The following HIBADH variants were observed in gnomAD, a reference collection of about 807,000 sequenced individuals.
The protein encoded by HIBADH is 3-hydroxyisobutyrate dehydrogenase, mitochondrial.
In HIBADH, 25 loss-of-function variants were observed where a neutral mutation model predicts 36.1. That is an observed-to-expected ratio of 0.69 (90% CI 0.50 to 0.97). The LOEUF (loss-of-function observed/expected upper bound fraction) is 0.97, where lower values mean the gene tolerates loss of function less well. Ranked by LOEUF, HIBADH falls within the 50% of genes least tolerant of loss-of-function variation. The probability of loss-of-function intolerance (pLI) is 0.00; values close to 1 mark genes in which losing one functional copy is unlikely to be tolerated. For synonymous variants in HIBADH, 160 were observed against 149.5 expected (o/e 1.07, Z -0.51); for missense variants, 421 against 418.0 (o/e 1.01, Z -0.06).
At chr7:27,592,648 T>C (rs541295611) in intron 4 of HIBADH, among the ~76,000 whole-genome samples, 90 of 149,680 alleles carry the variant, frequency 6.0e-4, no homozygotes, top group African/African-American at 1.9e-3. Flanking sequence ...CTTTTCTCTA[T>C]ATCTATATCT....
At chr7:27,577,989 A>C (rs933911466) in intron 4 of HIBADH, among the ~76,000 whole-genome samples, 9 of 152,218 alleles carry the variant, frequency 5.9e-5, no homozygotes, top group African/African-American at 2.2e-4. Context: ...TGATTAATCT[A>C]AACACTGCTG....
At chr7:27,540,516 C>T (rs1404057378) in intron 5 of HIBADH, among the ~76,000 whole-genome samples, 1 of 152,208 alleles carries the variant, frequency 6.6e-6, no homozygotes, top group Non-Finnish European at 1.5e-5. Context: ...TCTTGCACAA[C>T]ATCTGGACAG....
chr7:27,653,693 C>T (rs1035762732), intron 1 of HIBADH, among the ~76,000 whole-genome samples: 6 of 151,270 alleles, frequency 4.0e-5, no homozygotes, highest in Non-Finnish European at 8.8e-5. Flanking sequence ...GCTGAGATCG[C>T]ACCACTGCAC....
At chr7:27,585,621 G>A (rs1293579128) in intron 4 of HIBADH, among the ~76,000 whole-genome samples, 1 of 152,018 alleles carries the variant, frequency 6.6e-6, no homozygotes, top group Non-Finnish European at 1.5e-5. Flanking sequence ...ATTAGGAAAA[G>A]AATGAAAAAG....
chr7:27,577,327 C>T (rs1414029229), intron 4 of HIBADH, among the ~76,000 whole-genome samples: 2 of 141,402 alleles, frequency 1.4e-5, no homozygotes, highest in Non-Finnish European at 3.0e-5. Flanking sequence ...CCACACCTGA[C>T]TTATTTTTTA....
intron 4 of HIBADH, among the ~76,000 whole-genome samples, chr7:27,610,490 A>G (rs755629119): frequency 6.6e-6 from 1 of 152,202 alleles, no homozygotes; most frequent in Non-Finnish European, 1.5e-5. Context: ...ATGTTATACA[A>G]CAGCTCTCCA....
At chr7:27,541,044 G>T (rs1281656731) in intron 5 of HIBADH, among the ~76,000 whole-genome samples, 1 of 151,874 alleles carries the variant, frequency 6.6e-6, no homozygotes, top group Non-Finnish European at 1.5e-5. Context: ...AACTGCATTT[G>T]TACAAAACAG....
rs892151443 is a variant in HIBADH, at chr7:27,601,995, A to G, written c.484+27376T>C. ...TCTATTTTGTTTTTAAATGAAACAAACCAAAGCCTTTTAGTTATTCTAGCA... is the reference window on the plus strand; with the variant it reads ...TCTATTTTGTTTTTAAATGAAACAAGCCAAAGCCTTTTAGTTATTCTAGCA... On this transcript the variant is annotated intron_variant, in intron 4 of 7. Transcript: ENST00000265395. Among the ~76,000 whole-genome samples, 4 of 152,186 alleles carry G rather than the reference A, an allele frequency of 2.6e-5. 1 individual carries two copies. The South Asian group carries it at 8.3e-4, about 32-fold the overall frequency.
intron 1 of HIBADH, among the ~76,000 whole-genome samples, chr7:27,657,618 G>C (rs1442846993): frequency 2.0e-5 from 3 of 152,034 alleles, no homozygotes; most frequent in Non-Finnish European, 1.5e-5. Flanking sequence ...TGAAGATAAA[G>C]TTTTCAAAGG....
intron 2 of HIBADH, chr7:27,649,107 T>C (rs76699709): frequency 0.016 from 2,581 of 159,050 alleles, 64 homozygotes; most frequent in African/African-American, 0.058. Context: ...AGCCTACTCT[T>C]GTTTTAAAGA....
At chr7:27,572,336 G>T (rs1412669809) in intron 4 of HIBADH, among the ~76,000 whole-genome samples, 4 of 152,144 alleles carry the variant, frequency 2.6e-5, no homozygotes, top group African/African-American at 4.8e-5. Context: ...TAGCAGCAGG[G>T]TATTTTAATA....
chr7:27,575,173 CTTGAT>C (rs781477261), intron 4 of HIBADH, among the ~76,000 whole-genome samples: 180 of 152,270 alleles, frequency 1.2e-3, no homozygotes, highest in Non-Finnish European at 1.6e-3. Flanking sequence ...TTTTAGCACT[CTTGAT>C]TTATTTGTCA....
At chr7:27,635,176 G>A (rs1374122662) in intron 2 of HIBADH, among the ~76,000 whole-genome samples, 1 of 151,854 alleles carries the variant, frequency 6.6e-6, no homozygotes, top group African/African-American at 2.4e-5. Context: ...CAGATAAACA[G>A]ACATTCAAAC....
intron 1 of HIBADH, among the ~76,000 whole-genome samples, chr7:27,660,774 C>G (rs1044602926): frequency 6.6e-6 from 1 of 152,086 alleles, no homozygotes; most frequent in African/African-American, 2.4e-5. Flanking sequence ...TGACAATTAC[C>G]TTTGGGCCAA....
At chr7:27,634,394 T>A (rs1413225730) in intron 2 of HIBADH, among the ~76,000 whole-genome samples, 1 of 152,134 alleles carries the variant, frequency 6.6e-6, no homozygotes, top group Non-Finnish European at 1.5e-5. Flanking sequence ...AAACCTTTCC[T>A]ACACCTTCAT....
chr7:27,571,460 G>A (rs1421932876), intron 4 of HIBADH, among the ~76,000 whole-genome samples: 3 of 152,080 alleles, frequency 2.0e-5, no homozygotes, highest in Admixed American at 6.6e-5. Context: ...CCTGACCTCA[G>A]GTGATCCACT....
chr7:27,622,049 G>C (rs1356692305), intron 4 of HIBADH, among the ~76,000 whole-genome samples: 5 of 152,040 alleles, frequency 3.3e-5, no homozygotes. Context: ...GAGCCCAGGA[G>C]TTCAAGACTA....
intron 6 of HIBADH, among the ~76,000 whole-genome samples, chr7:27,532,776 C>A (rs916092355): frequency 8.5e-5 from 13 of 152,278 alleles, no homozygotes; most frequent in African/African-American, 3.1e-4. Flanking sequence ...TTCATTCATT[C>A]TTTTATAAAG....
chr7:27,604,158 C>T (rs1400302462), intron 4 of HIBADH, among the ~76,000 whole-genome samples: 1 of 150,550 alleles, frequency 6.6e-6, no homozygotes, highest in Non-Finnish European at 1.5e-5. Flanking sequence ...ATAACATATA[C>T]CCTAACAAGT....
Sources: allele counts gnomAD v4.1 joint callset (sites outside exome capture counted in the v4.1 genomes callset), GRCh38; gene constraint gnomAD v4.1.1; transcripts MANE v1.5; gene names NCBI Gene and HGNC (gene_info 2026-07-23, HGNC 2026-07-21).